The following OCA2 variants were observed in gnomAD, a reference collection of about 807,000 sequenced individuals.
The protein encoded by OCA2 is P protein.
Under a neutral mutation model 100.2 loss-of-function variants are expected in OCA2, and 77 were observed. The ratio of observed to expected loss-of-function variants is 0.77; its 90% CI spans 0.64 to 0.93. The LOEUF (loss-of-function observed/expected upper bound fraction) is 0.93, where lower values mean the gene tolerates loss of function less well. Among genes scored for constraint, OCA2 ranks in the 40% least tolerant of loss-of-function variants. The pLI is 0.00. For missense variants in OCA2, 1,062 were observed against 1,089.1 expected, an observed-to-expected ratio of 0.98 and a Z score of 0.35; for synonymous variants, 432 against 439.2, an observed-to-expected ratio of 0.98 and a Z score of 0.21.
the OCA2 span, among the ~76,000 whole-genome samples, chr15:27,746,862 T>C: frequency 0.76 from 115,416 of 152,062 alleles, 43,983 homozygotes; most frequent in African/African-American, 0.8. Flanking sequence ...GAGTCCCTCT[T>C]TGGCCTACAG....
chr15:28,083,376 A>G (rs2044712838), intron 1 of OCA2, among the ~76,000 whole-genome samples: 1 of 152,204 alleles, frequency 6.6e-6, no homozygotes, highest in Admixed American at 6.5e-5. Flanking sequence ...CACCATTGTT[A>G]TTTCCCTGCT....
the OCA2 span, among the ~76,000 whole-genome samples, chr15:27,733,089 C>T: frequency 1.3e-5 from 2 of 152,196 alleles, no homozygotes; most frequent in African/African-American, 2.4e-5. Context: ...AGGCTGGTCA[C>T]GAATGCCTGC....
At chr15:27,741,969 G>A in the OCA2 span, among the ~76,000 whole-genome samples, 1 of 152,006 alleles carries the variant, frequency 6.6e-6, no homozygotes. Context: ...TCTAAGGATT[G>A]GACATTTAGA....
At chr15:27,842,766 G>A (rs1041568524) in intron 23 of OCA2, among the ~76,000 whole-genome samples, 7 of 152,186 alleles carry the variant, frequency 4.6e-5, no homozygotes, top group Non-Finnish European at 5.9e-5. Flanking sequence ...TCTTGCCCAA[G>A]CTTTCTGAGG....
rs566512545 is a variant in OCA2 at position 28,006,026 on chromosome 15, C to A, written c.1044+8750G>T. On this transcript the variant is annotated intron_variant, in intron 9 of 23. Coordinates refer to ENST00000354638, the MANE Select transcript of OCA2 (RefSeq NM_000275.3). ...CACTGGCCAGCTGGGGAACTTTGGG[C>A]AAGTGGTCTGACTTCTCTGTGCTTG... Among the ~76,000 whole-genome samples the A allele has an allele frequency of 7.2e-5, 11 of 152,268 alleles. No homozygotes were observed. In the South Asian group the frequency reaches 2.3e-3, roughly 32 times the overall value.
intron 23 of OCA2, among the ~76,000 whole-genome samples, chr15:27,825,704 A>T (rs147843320): frequency 4.5e-4 from 69 of 152,108 alleles, no homozygotes; most frequent in African/African-American, 1.5e-3. Flanking sequence ...TCCCAACCCC[A>T]CCTTTGACAT....
At chr15:27,851,711 A>T (rs2035760048) in intron 21 of OCA2, among the ~76,000 whole-genome samples, 1 of 152,160 alleles carries the variant, frequency 6.6e-6, no homozygotes, top group East Asian at 1.9e-4. Context: ...GAGCCCTGCC[A>T]GCTGTTGTGG....
At chr15:27,873,158 G>T (rs951650616) in intron 19 of OCA2, among the ~76,000 whole-genome samples, 6 of 152,352 alleles carry the variant, frequency 3.9e-5, no homozygotes, top group Admixed American at 6.5e-5. Context: ...TTAGAGCAGG[G>T]TTTCTCACCC....
At chr15:27,804,525 G>A (rs1321064299) in intron 23 of OCA2, among the ~76,000 whole-genome samples, 1 of 152,212 alleles carries the variant, frequency 6.6e-6, no homozygotes, top group East Asian at 1.9e-4. Context: ...AAAGGGAATT[G>A]CCCGAAGCAC....
intron 14 of OCA2, among the ~76,000 whole-genome samples, chr15:27,981,155 A>G (rs958384759): frequency 6.6e-6 from 1 of 152,204 alleles, no homozygotes; most frequent in African/African-American, 2.4e-5. Context: ...TTTCTATCTC[A>G]GACATTGTAA....
chr15:27,833,557 T>C (rs931603558), intron 23 of OCA2, among the ~76,000 whole-genome samples: 1 of 152,248 alleles, frequency 6.6e-6, no homozygotes, highest in Admixed American at 6.5e-5. Flanking sequence ...ATTATTTTAA[T>C]GTACTTATTT....
At chr15:27,890,615 T>C (rs1279158686) in intron 19 of OCA2, among the ~76,000 whole-genome samples, 8 of 152,184 alleles carry the variant, frequency 5.3e-5, no homozygotes, top group Admixed American at 5.2e-4. Context: ...AGTGAAACTA[T>C]CCTTGAGGAA....
At chr15:27,911,080 GGAGA>G (rs1470895225) in intron 19 of OCA2, among the ~76,000 whole-genome samples, 2 of 152,196 alleles carry the variant, frequency 1.3e-5, no homozygotes, top group Non-Finnish European at 2.9e-5. Flanking sequence ...GTAAGCATGA[GGAGA>G]GAGTGATACT....
chr15:27,936,495 T>G (rs1195672688), intron 18 of OCA2, among the ~76,000 whole-genome samples: 1 of 152,230 alleles, frequency 6.6e-6, no homozygotes, highest in African/African-American at 2.4e-5. Context: ...AAAGACCATT[T>G]TTTATAATCT....
chr15:27,776,697 C>G (rs1209550265), intron 23 of OCA2: 4 of 152,200 alleles, frequency 2.6e-5, no homozygotes, highest in Non-Finnish European at 5.9e-5. Context: ...GAGTACTAGA[C>G]CCCTCTGTCT....
chr15:27,875,324 T>C (rs1001486721), intron 19 of OCA2, among the ~76,000 whole-genome samples: 1 of 152,156 alleles, frequency 6.6e-6, no homozygotes, highest in Non-Finnish European at 1.5e-5. Flanking sequence ...ACATAACACA[T>C]CGACAGAGTC....
the OCA2 span, among the ~76,000 whole-genome samples, chr15:27,730,556 C>A: frequency 6.6e-6 from 1 of 151,138 alleles, no homozygotes; most frequent in Non-Finnish European, 1.5e-5. Flanking sequence ...GGGGGCTGGA[C>A]TAAAAGCTCC....
chr15:27,909,113 T>A (rs1269424929), intron 19 of OCA2, among the ~76,000 whole-genome samples: 1 of 152,122 alleles, frequency 6.6e-6, no homozygotes, highest in African/African-American at 2.4e-5. Context: ...CACAAAAAAA[T>A]AAACAGTAGA....
At chr15:27,798,712 T>G (rs922467832) in intron 23 of OCA2, among the ~76,000 whole-genome samples, 22 of 152,216 alleles carry the variant, frequency 1.4e-4, no homozygotes, top group Non-Finnish European at 4.4e-5. Flanking sequence ...TGCCCGTTAA[T>G]TAATTATTAC....
Sources: allele counts gnomAD v4.1 joint callset (sites outside exome capture counted in the v4.1 genomes callset), GRCh38; gene constraint gnomAD v4.1.1; transcripts MANE v1.5; gene names NCBI Gene and HGNC (gene_info 2026-07-23, HGNC 2026-07-21).